Variants in NCAM2 observed in about 807,000 individuals in gnomAD.
The protein encoded by NCAM2 is neural cell adhesion molecule 2.
Under a neutral mutation model 98.1 loss-of-function variants are expected in NCAM2, and 30 were observed. The observed-to-expected ratio is 0.31, with a 90% CI of 0.23 to 0.41. The LOEUF (loss-of-function observed/expected upper bound fraction) is 0.41, where lower values mean the gene tolerates loss of function less well. Ranked by LOEUF, NCAM2 falls within the 10% of genes least tolerant of loss-of-function variation. The probability of loss-of-function intolerance (pLI) is 1.00; values close to 1 mark genes in which losing one functional copy is unlikely to be tolerated. For synonymous variants in NCAM2, 368 were observed against 342.4 expected, an observed-to-expected ratio of 1.07 and a Z score of -0.83; for missense variants, 867 against 1,005.8, an observed-to-expected ratio of 0.86 and a Z score of 1.87.
chr21:21,093,890 TTTCC>T (rs1258844070), intron 1 of NCAM2, among the ~76,000 whole-genome samples: 1 of 152,072 alleles, frequency 6.6e-6, no homozygotes, highest in Non-Finnish European at 1.5e-5. Flanking sequence ...ATGCTCACAC[TTTCC>T]TTCTTTTGTT....
At position 21,140,504 on chromosome 21, in the gene NCAM2, A is replaced by G. The variant is rs529635297; in HGVS notation, c.56-140074A>G. 5.3e-5 allele frequency among the ~76,000 whole-genome samples: 8 copies of G among 152,262 alleles called. No individual in the cohort carries two copies. The South Asian group carries it at 1.7e-3, about 32-fold the overall frequency. On this transcript the variant is annotated intron_variant, in intron 1 of 17. Coordinates refer to ENST00000400546, the MANE Select transcript of NCAM2 (RefSeq NM_004540.5). ...ATAAATCATCCTACCGATGCTAACAAATGAAGTATATTATAAAATATGAAA... is the reference window on the plus strand; with the variant it reads ...ATAAATCATCCTACCGATGCTAACAGATGAAGTATATTATAAAATATGAAA...
intron 1 of NCAM2, among the ~76,000 whole-genome samples, chr21:21,064,602 G>C (rs1364177229): frequency 6.6e-6 from 1 of 152,020 alleles, no homozygotes; most frequent in South Asian, 2.1e-4. Flanking sequence ...TTGCCCCTCA[G>C]GGTTCATCAC....
At chr21:21,350,341 A>G (rs1272145511) in intron 8 of NCAM2, among the ~76,000 whole-genome samples, 1 of 152,184 alleles carries the variant, frequency 6.6e-6, no homozygotes, top group Non-Finnish European at 1.5e-5. Context: ...TAAAGTTTTA[A>G]TAACTGTAAC....
intron 1 of NCAM2, among the ~76,000 whole-genome samples, chr21:21,087,307 A>T (rs558553666): frequency 2.0e-5 from 3 of 152,064 alleles, no homozygotes; most frequent in African/African-American, 7.2e-5. Context: ...ACTTTTGCCA[A>T]TTGAGATTGG....
chr21:21,287,892 C>G (rs762539408), intron 4 of NCAM2, among the ~76,000 whole-genome samples: 90 of 151,994 alleles, frequency 5.9e-4, no homozygotes, highest in Non-Finnish European at 1.2e-3. Context: ...GACTCTTTAT[C>G]TGTAAAACAC....
chr21:21,061,614 C>A (rs890902129), intron 1 of NCAM2, among the ~76,000 whole-genome samples: 7 of 149,890 alleles, frequency 4.7e-5, no homozygotes, highest in African/African-American at 1.8e-4. Flanking sequence ...ACAGCCTATT[C>A]TTTTTGAATC....
intron 1 of NCAM2, among the ~76,000 whole-genome samples, chr21:21,095,830 G>C (rs1162585766): frequency 6.6e-6 from 1 of 151,752 alleles, no homozygotes; most frequent in African/African-American, 2.4e-5. Flanking sequence ...TCAGTGAGCT[G>C]TGTTTTATTT....
chr21:21,153,645 GGTGGGGGGTACC>G (rs1429589349), intron 1 of NCAM2, among the ~76,000 whole-genome samples: 2 of 151,818 alleles, frequency 1.3e-5, no homozygotes, highest in Non-Finnish European at 2.9e-5. Context: ...TTTTAGTCAT[GGTGGGGGGTACC>G]GTGCGAACAA....
intron 1 of NCAM2, among the ~76,000 whole-genome samples, chr21:21,001,678 C>T (rs2146100517): frequency 6.6e-6 from 1 of 152,260 alleles, no homozygotes; most frequent in South Asian, 2.1e-4. Context: ...CCTGGATGTT[C>T]ACATATGTAA....
intron 1 of NCAM2, among the ~76,000 whole-genome samples, chr21:21,026,015 G>A (rs2064537785): frequency 6.6e-6 from 1 of 152,168 alleles, no homozygotes; most frequent in African/African-American, 2.4e-5. Context: ...ATAACCTAAA[G>A]CTTGTTTTAT....
chr21:21,007,809 C>T (rs533456598), intron 1 of NCAM2, among the ~76,000 whole-genome samples: 4 of 152,202 alleles, frequency 2.6e-5, no homozygotes, highest in Admixed American at 1.3e-4. Context: ...TCGTGCCAAC[C>T]TCCTATCTCA....
At chr21:21,395,290 C>T (rs116809016) in intron 9 of NCAM2, among the ~76,000 whole-genome samples, 1,989 of 152,094 alleles carry the variant, frequency 0.013, 44 homozygotes, top group African/African-American at 0.044. Flanking sequence ...GATGAGATCA[C>T]GCCACTGAAC....
intron 1 of NCAM2, among the ~76,000 whole-genome samples, chr21:21,234,456 A>T (rs1434098997): frequency 2.6e-5 from 4 of 151,980 alleles, no homozygotes; most frequent in African/African-American, 9.7e-5. Context: ...ATTAAATGGA[A>T]ATATGCATAG....
intron 11 of NCAM2, among the ~76,000 whole-genome samples, chr21:21,421,373 G>A (rs2077107074): frequency 3.6e-5 from 1 of 27,756 alleles, no homozygotes; most frequent in African/African-American, 1.0e-4. Flanking sequence ...AGCTGAGTTA[G>A]AAAATATTGG....
At chr21:21,028,367 A>T (rs1029948044) in intron 1 of NCAM2, among the ~76,000 whole-genome samples, 1 of 152,172 alleles carries the variant, frequency 6.6e-6, no homozygotes, top group Non-Finnish European at 1.5e-5. Flanking sequence ...TCAAAAATTT[A>T]TGTTGTGTGA....
intron 1 of NCAM2, chr21:21,147,253 T>C (rs1402387141): frequency 3.0e-6 from 3 of 985,160 alleles, no homozygotes; most frequent in East Asian, 1.1e-4. Context: ...AACAAAAATG[T>C]AAATATTCAG....
chr21:21,221,224 GC>G (rs746207960), intron 1 of NCAM2, among the ~76,000 whole-genome samples: 152,201 of 152,204 alleles, frequency 1, 76,099 homozygotes, highest in East Asian at 1. Flanking sequence ...CTCTTCTCTG[GC>G]TCCCCTATTC....
At chr21:21,515,616 A>G (rs960652822) in intron 16 of NCAM2, among the ~76,000 whole-genome samples, 2 of 152,134 alleles carry the variant, frequency 1.3e-5, no homozygotes, top group Admixed American at 1.3e-4. Flanking sequence ...TTCTCATTTC[A>G]TTGAATAAAG....
intron 1 of NCAM2, among the ~76,000 whole-genome samples, chr21:21,225,476 G>A (rs914009530): frequency 2.0e-5 from 3 of 151,766 alleles, no homozygotes; most frequent in Non-Finnish European, 2.9e-5. Context: ...TTACATATAC[G>A]GCAGTTTATA....
Sources: allele counts gnomAD v4.1 joint callset (sites outside exome capture counted in the v4.1 genomes callset), GRCh38; gene constraint gnomAD v4.1.1; transcripts MANE v1.5; gene names NCBI Gene and HGNC (gene_info 2026-07-23, HGNC 2026-07-21).